CALHM4: variants seen among roughly 807,000 people sequenced by gnomAD.
CALHM4 encodes the protein calcium homeostasis modulator protein 4.
CALHM4 carries 16 observed loss-of-function variants against 13.3 expected under a neutral mutation model. The observed-to-expected ratio is 1.20, with a 90% CI of 0.81 to 1.82. The LOEUF is 1.82. Among genes scored for constraint, CALHM4 ranks in the 40% most tolerant of loss-of-function variants. The pLI is 0.00. For synonymous variants in CALHM4, 127 were observed against 137.1 expected, an observed-to-expected ratio of 0.93 and a Z score of 0.52; for missense variants, 344 against 374.9, an observed-to-expected ratio of 0.92 and a Z score of 0.68.
rs1774536606 is a variant in CALHM4, at chr6:116,560,512, A to G, written c.*2301A>G. 6.6e-6 allele frequency among the ~76,000 whole-genome samples: 1 copy of G among 152,170 alleles called. No homozygotes were observed. The highest frequency in any genetic ancestry group is 2.1e-4 in the South Asian group (1 of 4,838). On this transcript the variant is annotated 3_prime_UTR_variant, in exon 2 of 2. Transcript: ENST00000368596. ...AACTTTCTGGCAAAGGATTCTAAGT[A>G]TTCGTTGGCTCTTCTACATGGCTTC...
chr6:116,552,086 G>A, upstream of CALHM4, among the ~76,000 whole-genome samples: 1 of 152,056 alleles, frequency 6.6e-6, no homozygotes, highest in East Asian at 1.9e-4. Flanking sequence ...ATATCCTTTA[G>A]TAATCCTCCT....
At chr6:116,550,025 T>TATATATACAC (rs765467696), upstream of CALHM4, among the ~76,000 whole-genome samples, 2 of 96,340 alleles carry the variant, frequency 2.1e-5, no homozygotes, top group African/African-American at 8.1e-5. Flanking sequence ...TATATATATA[T>TATATATACAC]ACACACACAC....
intron 2 of CALHM4, among the ~76,000 whole-genome samples, chr6:116,548,719 C>T (rs952575068): frequency 6.6e-6 from 1 of 152,162 alleles, no homozygotes; most frequent in Non-Finnish European, 1.5e-5. Flanking sequence ...ACCTCATGTA[C>T]CGAGCAGCAT....
intron 2 of CALHM4, among the ~76,000 whole-genome samples, chr6:116,544,150 G>GT (rs1418435647): frequency 1.6e-5 from 1 of 62,410 alleles, no homozygotes. Flanking sequence ...CAAAGGTGAA[G>GT]AAGAGAGAGA....
chr6:116,540,428 A>G lies in CALHM4; in HGVS notation c.-108-3337A>G, dbSNP rs200510309. ...CTTCCCACGCAGGATCGAGCCAAAAAGTCTTCCACAAGCCGCGTTCCAATG... is the reference window on the plus strand; with the variant it reads ...CTTCCCACGCAGGATCGAGCCAAAAGGTCTTCCACAAGCCGCGTTCCAATG... On this transcript the variant is annotated intron_variant, in intron 1 of 2. Coordinates refer to the CALHM4 transcript ENST00000368597. 3.5e-5 allele frequency: 55 copies of G among 1,551,382 alleles called. No homozygotes were observed. The African/African-American group carries it at 5.2e-4, about 15-fold the overall frequency.
intron 1 of CALHM4, among the ~76,000 whole-genome samples, chr6:116,533,060 G>T (rs1027547622): frequency 1.3e-5 from 2 of 152,202 alleles, no homozygotes; most frequent in African/African-American, 4.8e-5. Context: ...TTCACTGGGT[G>T]GTAGCTTAAG....
chr6:116,544,082 A>G (rs1183826728), intron 2 of CALHM4, among the ~76,000 whole-genome samples: 1 of 151,804 alleles, frequency 6.6e-6, no homozygotes, highest in Non-Finnish European at 1.5e-5. Flanking sequence ...TCAACATATA[A>G]GAGCCACAGC....
chr6:116,534,451 A>G (rs1460330024), intron 1 of CALHM4, among the ~76,000 whole-genome samples: 1 of 147,832 alleles, frequency 6.8e-6, no homozygotes, highest in Non-Finnish European at 1.5e-5. Flanking sequence ...TCAGATCAGA[A>G]GCAGAAGAAA....
chr6:116,550,025 T>TATATATAC (rs765467696), upstream of CALHM4, among the ~76,000 whole-genome samples: 11 of 96,330 alleles, frequency 1.1e-4, no homozygotes, highest in African/African-American at 4.5e-4. Context: ...TATATATATA[T>TATATATAC]ACACACACAC....
chr6:116,545,474 A>T (rs1355419594), intron 2 of CALHM4: 1 of 1,546,026 alleles, frequency 6.5e-7, no homozygotes, highest in Non-Finnish European at 8.7e-7. Context: ...AGATCTTACT[A>T]TTTTATGGTA....
In CALHM4 at chr6:116,537,647, C is replaced by T. The variant is rs560803636; in HGVS notation, c.-108-6118C>T. ...TTGAAGACTTCATTGTAAGGTAAAG[C>T]GAGTAGTTCCTCATGGAAGGGACTC... On this transcript the variant is annotated intron_variant, in intron 1 of 2. Coordinates refer to the CALHM4 transcript ENST00000368597. Among the ~76,000 whole-genome samples, 9 of 152,206 alleles carry T rather than the reference C, an allele frequency of 5.9e-5. No individual in the cohort carries two copies. The South Asian group carries it at 1.2e-3, about 21-fold the overall frequency.
chr6:116,551,408 G>T (rs1032221765), upstream of CALHM4, among the ~76,000 whole-genome samples: 1 of 152,128 alleles, frequency 6.6e-6, no homozygotes, highest in Non-Finnish European at 1.5e-5. Context: ...TACATTAAAA[G>T]AATCATACAT....
chr6:116,537,160 G>A (rs1213941575), intron 1 of CALHM4, among the ~76,000 whole-genome samples: 1 of 152,170 alleles, frequency 6.6e-6, no homozygotes, highest in Non-Finnish European at 1.5e-5. Context: ...GAAGGGTGAA[G>A]GTGATGAATA....
rs988957428 is a variant in CALHM4, at chr6:116,559,049, G to C, written c.*838G>C. Reference sequence around the variant, plus strand: ...GCACCTTTGCACTCAAAATCCATTTGTGAAACCAAAACTGCAGTCTGTACT... The same window carrying C: ...GCACCTTTGCACTCAAAATCCATTTCTGAAACCAAAACTGCAGTCTGTACT... On this transcript the variant is annotated 3_prime_UTR_variant, in exon 2 of 2. Coordinates refer to ENST00000368596, the MANE Select transcript of CALHM4 (RefSeq NM_001366078.2). Among the ~76,000 whole-genome samples, 1 of 152,120 alleles carries C rather than the reference G, an allele frequency of 6.6e-6. No homozygotes were observed. The highest frequency in any genetic ancestry group is 1.5e-5 in the Non-Finnish European group (1 of 68,020).
In CALHM4 at chr6:116,543,930, T is replaced by A. The variant is rs181807536; in HGVS notation, c.-1+58T>A. The A allele has an allele frequency of 1.1e-3, 1,389 of 1,275,344 alleles. 13 individuals are homozygous for A. The African/African-American group carries it at 0.018, about 17-fold the overall frequency. 79.0% of individuals were successfully genotyped at this position (1,275,344 alleles called of 1,614,324 possible). A position where few individuals can be genotyped will look rare whatever the true frequency, so the allele number is the denominator to read the frequency against. Reference sequence around the variant, plus strand: ...AGGGGAATGTGATATTTCCTTATAGTTCTCCAAAATATGTCCCATTTTTAG... The same window carrying A: ...AGGGGAATGTGATATTTCCTTATAGATCTCCAAAATATGTCCCATTTTTAG... On this transcript the variant is annotated intron_variant, in intron 2 of 2. Coordinates refer to the CALHM4 transcript ENST00000368597.
intron 1 of CALHM4, among the ~76,000 whole-genome samples, chr6:116,541,096 C>G (rs1008167800): frequency 3.3e-5 from 5 of 151,940 alleles, no homozygotes; most frequent in African/African-American, 1.2e-4. Context: ...TATCTCCACC[C>G]CGAGAAAATA....
chr6:116,529,071 G>A (rs55857439), exon 1 of CALHM4: 8,530 of 152,382 alleles, frequency 0.056, 486 homozygotes, highest in African/African-American at 0.16. Context: ...CTCTCTGACC[G>A]GGTCTCCTGT....
chr6:116,554,879 G>A (rs1324236826), intron 1 of CALHM4, among the ~76,000 whole-genome samples: 2 of 152,106 alleles, frequency 1.3e-5, no homozygotes, highest in Admixed American at 6.5e-5. Flanking sequence ...ATAGGTTTAT[G>A]TCAGAAAGTG....
chr6:116,530,308 G>A (rs892939110), intron 1 of CALHM4, among the ~76,000 whole-genome samples: 1 of 151,968 alleles, frequency 6.6e-6, no homozygotes, highest in Non-Finnish European at 1.5e-5. Flanking sequence ...ATTTCATCTG[G>A]GCACTTTTCC....
Sources: gnomAD v4.1 joint callset for allele counts (sites outside exome capture counted in the v4.1 genomes callset) on GRCh38, gnomAD v4.1.1 for gene constraint, MANE v1.5 for transcripts, NCBI Gene and HGNC (gene_info 2026-07-23, HGNC 2026-07-21) for gene names.